The following PRKX variants were observed in gnomAD, a reference collection of about 807,000 sequenced individuals.
PRKX encodes protein kinase cAMP-dependent X-linked catalytic subunit, also known as cAMP-dependent protein kinase catalytic subunit PRKX.
A neutral mutation model predicts 22.0 loss-of-function variants in PRKX; 12 were observed. The observed-to-expected ratio is 0.54, with a 90% CI of 0.35 to 0.88. The LOEUF is 0.88. Ranked by LOEUF, PRKX falls within the 40% of genes least tolerant of loss-of-function variation. PRKX has a pLI of 0.01. For missense variants in PRKX, 217 were observed against 308.0 expected, an observed-to-expected ratio of 0.70 and a Z score of 2.21; for synonymous variants, 134 against 137.7, an observed-to-expected ratio of 0.97 and a Z score of 0.19.
intron 2 of PRKX, among the ~76,000 whole-genome samples, chrX:3,667,685 T>C (rs1211813936): frequency 2.7e-5 from 3 of 110,740 alleles, no homozygotes; most frequent in Non-Finnish European, 5.7e-5. Context: ...AGTCCTTCCT[T>C]ATATGCACAG....
rs755902417 is a variant in PRKX at position 3,665,148 on chromosome X, G to A, written c.335+9450C>T. On this transcript the variant is annotated intron_variant, in intron 2 of 8. Coordinates refer to ENST00000262848, the MANE Select transcript of PRKX (RefSeq NM_005044.5). The stretch of plus-strand genomic sequence containing the variant: ...CGTGCATGTGTGTGTGCACGTGCAC[G>A]TGTGTGTGCTTGTGTGTGTGCGTGC... Among the ~76,000 whole-genome samples the A allele has an allele frequency of 7.5e-4, 83 of 110,102 alleles. 1 individual carries two copies. In the South Asian group the frequency reaches 0.026, roughly 34 times the overall value.
intron 7 of PRKX, among the ~76,000 whole-genome samples, chrX:3,612,682 A>G (rs777133295): frequency 7.3e-5 from 8 of 110,022 alleles, no homozygotes; most frequent in African/African-American, 2.3e-4. Flanking sequence ...GCTACTCAGT[A>G]GGCTGAGGTG....
chrX:3,626,348 C>T (rs764879127), intron 5 of PRKX, 71 bp downstream of exon 5: 76 of 826,201 alleles, frequency 9.2e-5, no homozygotes, highest in South Asian at 2.4e-4. Context: ...CTGCTGAGTG[C>T]GTGCTTTCAC....
chrX:3,628,240 C>T (rs762116021), intron 4 of PRKX, among the ~76,000 whole-genome samples: 3 of 110,584 alleles, frequency 2.7e-5, no homozygotes, highest in East Asian at 2.9e-4. Context: ...GGATACTAGA[C>T]GCTGGGAAGG....
At chrX:3,648,240 C>T (rs976252827) in intron 3 of PRKX, among the ~76,000 whole-genome samples, 5 of 111,337 alleles carry the variant, frequency 4.5e-5, no homozygotes, top group Non-Finnish European at 9.4e-5. Flanking sequence ...AGCTCTGCTA[C>T]GGTAGCTCAA....
intron 8 of PRKX, among the ~76,000 whole-genome samples, chrX:3,610,246 C>T (rs1170277828): frequency 3.4e-4 from 38 of 111,632 alleles, no homozygotes; most frequent in African/African-American, 1.1e-3. Flanking sequence ...TTTGGGAGGC[C>T]GAGGTGGGCA....
At chrX:3,619,165 G>A (rs1250042744) in intron 6 of PRKX, among the ~76,000 whole-genome samples, 2 of 112,431 alleles carry the variant, frequency 1.8e-5, no homozygotes, top group Non-Finnish European at 3.8e-5. Flanking sequence ...TCATCCTGGA[G>A]AAGGGTGGGC....
intron 8 of PRKX, among the ~76,000 whole-genome samples, chrX:3,610,180 G>A (rs1926264105): frequency 8.9e-6 from 1 of 111,793 alleles, no homozygotes. Flanking sequence ...TACTAAGACG[G>A]ATTAAAATAT....
chrX:3,700,726 G>A (rs925974332), intron 1 of PRKX, among the ~76,000 whole-genome samples: 17 of 103,142 alleles, frequency 1.6e-4, no homozygotes, highest in African/African-American at 5.1e-4. Context: ...CTACAGGCAC[G>A]TGCCACCACG....
chrX:3,634,071 G>A (rs1209819446), intron 4 of PRKX, among the ~76,000 whole-genome samples: 2 of 109,520 alleles, frequency 1.8e-5, no homozygotes, highest in Non-Finnish European at 3.8e-5. Flanking sequence ...CCAACATGGC[G>A]AAACCCCATC....
chrX:3,695,941 CCA>C (rs1928434643), intron 1 of PRKX, among the ~76,000 whole-genome samples: 1 of 111,563 alleles, frequency 9.0e-6, no homozygotes, highest in Non-Finnish European at 1.9e-5. Context: ...TCTCTCCTAC[CCA>C]GTGCCTGCCT....
intron 4 of PRKX, among the ~76,000 whole-genome samples, chrX:3,627,126 A>G (rs1926674933): frequency 9.0e-6 from 1 of 111,461 alleles, no homozygotes; most frequent in Non-Finnish European, 1.9e-5. Context: ...AAGACACTGT[A>G]ATCCCAGCAC....
intron 3 of PRKX, among the ~76,000 whole-genome samples, chrX:3,652,787 G>C (rs1315792976): frequency 9.0e-6 from 1 of 110,648 alleles, no homozygotes; most frequent in Non-Finnish European, 1.9e-5. Flanking sequence ...AAGGTAAAAC[G>C]AGGTCACTAG....
intron 4 of PRKX, among the ~76,000 whole-genome samples, chrX:3,629,403 G>A (rs1415056168): frequency 3.7e-5 from 4 of 107,180 alleles, no homozygotes; most frequent in East Asian, 5.9e-4. Flanking sequence ...GCACCACCAC[G>A]CCAGGGTTTT....
intron 1 of PRKX, among the ~76,000 whole-genome samples, chrX:3,707,496 C>T (rs1195742879): frequency 1.8e-5 from 2 of 111,314 alleles, no homozygotes; most frequent in African/African-American, 3.3e-5. Context: ...GGTCCCTGCA[C>T]ACTTGGCATT....
intron 4 of PRKX, among the ~76,000 whole-genome samples, chrX:3,638,920 A>G (rs1603473631): frequency 9.6e-6 from 1 of 104,497 alleles, no homozygotes. Flanking sequence ...CAGATAGATG[A>G]TAGGTAAATA....
intron 1 of PRKX, among the ~76,000 whole-genome samples, chrX:3,706,286 G>A (rs898806051): frequency 9.1e-6 from 1 of 109,962 alleles, no homozygotes; most frequent in African/African-American, 3.3e-5. Context: ...CTGGGCTCAA[G>A]CAATCCTCCT....
At chrX:3,643,004 CAAAAA>C (rs60090711) in intron 3 of PRKX, among the ~76,000 whole-genome samples, 2 of 27,560 alleles carry the variant, frequency 7.3e-5, no homozygotes, top group Non-Finnish European at 5.5e-5. Flanking sequence ...GACTCTCTCT[CAAAAA>C]AAAAAAAAAA....
chrX:3,622,605 C>T (rs1926580604), intron 5 of PRKX, among the ~76,000 whole-genome samples: 1 of 110,979 alleles, frequency 9.0e-6, no homozygotes, highest in Admixed American at 9.7e-5. Flanking sequence ...CAGTTTCCTG[C>T]CACCATGCTT....
Sources: gnomAD v4.1 joint callset for allele counts (sites outside exome capture counted in the v4.1 genomes callset) on GRCh38, gnomAD v4.1.1 for gene constraint, MANE v1.5 for transcripts, NCBI Gene and HGNC (gene_info 2026-07-23, HGNC 2026-07-21) for gene names.